KLC4: variants seen among roughly 807,000 people sequenced by gnomAD.
The protein encoded by KLC4 is kinesin light chain 4, also known as kinesin-like protein 8.
KLC4 carries 49 observed loss-of-function variants against 77.2 expected under a neutral mutation model. The observed-to-expected ratio is 0.63, with a 90% CI of 0.50 to 0.80. The LOEUF is 0.80. Among genes scored for constraint, KLC4 ranks in the 30% least tolerant of loss-of-function variants. The probability of loss-of-function intolerance (pLI) is 0.00; values close to 1 mark genes in which losing one functional copy is unlikely to be tolerated. For missense variants in KLC4, 669 were observed against 793.5 expected (o/e 0.84, Z 1.89); for synonymous variants, 274 against 314.5 (o/e 0.87, Z 1.36).
At chr6:43,067,144 C>G (rs1478801445) in intron 6 of KLC4, 61 bp downstream of exon 6, 1 of 1,585,218 alleles carries the variant, frequency 6.3e-7, no homozygotes, top group Non-Finnish European at 8.6e-7. Flanking sequence ...CTGTTTTGGC[C>G]TCTCTTAGCT....
chr6:43,065,015 G>A (rs960931770), intron 3 of KLC4, among the ~76,000 whole-genome samples: 11 of 152,168 alleles, frequency 7.2e-5, no homozygotes, highest in Admixed American at 2.6e-4. Flanking sequence ...ATCAGCATAG[G>A]GCCATAATTA....
chr6:43,065,811 T>C, intron 4 of KLC4, 110 bp downstream of exon 4: 1 of 731,136 alleles, frequency 1.4e-6, no homozygotes, highest in Non-Finnish European at 2.3e-6. Flanking sequence ...GGTTCTCCAC[T>C]TTCTCTGGAG....
intron 8 of KLC4, 40 bp downstream of exon 8, chr6:43,070,905 G>T (rs115400018): frequency 5.1e-6 from 4 of 783,128 alleles, no homozygotes; most frequent in East Asian, 6.2e-5. Context: ...GAAACGGAGA[G>T]GGGGGCACAG....
chr6:43,062,269 G>A (rs573836481), intron 2 of KLC4, among the ~76,000 whole-genome samples: 12 of 152,346 alleles, frequency 7.9e-5, no homozygotes, highest in African/African-American at 2.6e-4. Flanking sequence ...TCTTTGAGAC[G>A]GAGTCTCGCA....
intron 6 of KLC4, 153 bp downstream of exon 6, chr6:43,067,236 A>G: frequency 7.3e-7 from 1 of 1,368,656 alleles, no homozygotes; most frequent in Non-Finnish European, 9.5e-7. Context: ...GGCACTGTCC[A>G]GTGATCCTAA....
At chr6:43,060,056 C>G in intron 1 of KLC4, 1 of 1,512,456 alleles carries the variant, frequency 6.6e-7, no homozygotes, top group Non-Finnish European at 8.9e-7. Context: ...CGTTTCCAGG[C>G]CCAGGAGACC....
In KLC4 at chr6:43,061,419, G is replaced by A. The variant is rs1765151215; in HGVS notation, c.84G>A (p.Leu28=). Residue 28 remains leucine (L), a synonymous_variant, in exon 2 of 16, where the codon CTG becomes CTA. Transcript: ENST00000347162. ...AGGAGATCCTGGGGAGCACACGGCT[G>A]GTCAGCCAAGGGCTAGAGGCCCTAC... ...SQEEILGSTR[L]VSQGLEALRS... is the part of the protein sequence containing the mutation. 1 of 1,614,026 alleles carries A rather than the reference G, an allele frequency of 6.2e-7. No individual in the cohort carries two copies.
chr6:43,072,120 C>A, intron 11 of KLC4, 27 bp from the exon 12 acceptor site: 1 of 1,576,244 alleles, frequency 6.3e-7, no homozygotes, highest in Non-Finnish European at 8.7e-7. Context: ...ATTCTCTCTT[C>A]CTTCTCTGGT....
intron 2 of KLC4, chr6:43,062,607 T>C (rs1008460268): frequency 5.4e-5 from 22 of 404,192 alleles, no homozygotes; most frequent in African/African-American, 4.3e-4. Flanking sequence ...TGATGTGGTC[T>C]AACTTGGCAT....
chr6:43,063,048 A>G lies in KLC4; in HGVS notation c.390A>G (p.Leu130=), dbSNP rs1765242361. Residue 130 remains leucine (L), a synonymous_variant, in exon 3 of 16, where the codon CTA becomes CTG. Coordinates refer to ENST00000347162, the MANE Select transcript of KLC4 (RefSeq NM_201521.3). The part of the protein sequence containing the change: ...RDELAGTQQR[L]QRSEQAVAQL... ...AGCTGGCTGGCACCCAGCAGCGGCT[A>G]CAGCGCAGTGAACAGGCTGTGGCTC... 1 of 1,614,146 alleles carries G rather than the reference A, an allele frequency of 6.2e-7. No homozygotes were observed. Among genetic ancestry groups the G allele is most frequent in the African/African-American group, 1.3e-5 (1 of 74,952 alleles).
intron 1 of KLC4, chr6:43,059,952 T>G: frequency 7.6e-7 from 1 of 1,313,586 alleles, no homozygotes. Context: ...ACCTCAGTCG[T>G]CCATCCACAC....
chr6:43,070,605 C>A, intron 7 of KLC4, 87 bp from the exon 8 acceptor site: 1 of 1,482,560 alleles, frequency 6.7e-7, no homozygotes, highest in Non-Finnish European at 9.3e-7. Flanking sequence ...CTGCTTTCCA[C>A]ATGTGTGTGC....
Position 43,059,796 on chromosome 6 carries a change from A to C in KLC4, c.-26+111A>C, listed in dbSNP as rs961542781. On this transcript the variant is annotated intron_variant, in intron 1 of 15. Coordinates refer to ENST00000347162, the MANE Select transcript of KLC4 (RefSeq NM_201521.3). The stretch of plus-strand genomic sequence containing the variant: ...CCTCCAACCAACCTTACAAAACTCC[A>C]GCCTCCAAAACTCCGCCCTTCGCGA... 5 of 1,168,472 alleles carry C rather than the reference A, an allele frequency of 4.3e-6. No individual in the cohort carries two copies. The Admixed American group carries it at 1.3e-4, about 31-fold the overall frequency. The allele number at this position is 1,168,472 out of a possible 1,614,324, so 72.4% of individuals were successfully genotyped here.
At chr6:43,061,093 A>T in intron 1 of KLC4, 1 of 573,304 alleles carries the variant, frequency 1.7e-6, no homozygotes, top group Non-Finnish European at 3.1e-6. Context: ...GTCTTCCTTT[A>T]TTTAAGTCAG....
In KLC4 at chr6:43,061,553, G is replaced by T. The variant is rs754500194; in HGVS notation, c.218G>T (p.Arg73Leu). The part of the protein sequence containing the change: ...LVHEKARQLR[R>L]SMENIELGLS... ...CATGAGAAGGCCCGGCAGCTTCGCC[G>T]TTCTATGGAAAACATTGAGCTCGGG... The change falls in exon 2 of 16, where the codon CGT (arginine) becomes CTT (leucine). Residue 73 changes from arginine to leucine, a missense_variant. Coordinates refer to ENST00000347162, the MANE Select transcript of KLC4 (RefSeq NM_201521.3). The T allele has an allele frequency of 6.2e-7, 1 of 1,613,606 alleles. No individual in the cohort carries two copies. The highest frequency in any genetic ancestry group is 2.2e-5 in the East Asian group (1 of 44,856).
chr6:43,069,827 C>T (rs183396984), intron 6 of KLC4, among the ~76,000 whole-genome samples: 2 of 152,200 alleles, frequency 1.3e-5, no homozygotes, highest in African/African-American at 2.4e-5. Flanking sequence ...GGATTACAGG[C>T]GTGAGCCACT....
chr6:43,060,033 C>T, intron 1 of KLC4: 1 of 1,472,664 alleles, frequency 6.8e-7, no homozygotes, highest in African/African-American at 1.4e-5. Context: ...CAGCCCGAGG[C>T]ACTCCTCTAC....
intron 1 of KLC4, 125 bp downstream of exon 1, chr6:43,059,810 C>T: frequency 8.6e-7 from 1 of 1,169,560 alleles, no homozygotes; most frequent in Non-Finnish European, 1.1e-6. Flanking sequence ...TCCAAAACTC[C>T]GCCCTTCGCG....
intron 6 of KLC4, among the ~76,000 whole-genome samples, chr6:43,069,844 A>G (rs1765632999): frequency 6.6e-6 from 1 of 152,212 alleles, no homozygotes. Flanking sequence ...CACTGCGTCC[A>G]GCCAAAAAGC....
Sources: gnomAD v4.1 joint callset for allele counts (sites outside exome capture counted in the v4.1 genomes callset) on GRCh38, gnomAD v4.1.1 for gene constraint, MANE v1.5 for transcripts, NCBI Gene and HGNC (gene_info 2026-07-23, HGNC 2026-07-21) for gene names.